CAVIN1: variants seen among roughly 807,000 people sequenced by gnomAD.
CAVIN1 encodes the protein caveolae-associated protein 1.
In CAVIN1, 16 loss-of-function variants were observed where a neutral mutation model predicts 24.0. The ratio of observed to expected loss-of-function variants is 0.67; its 90% CI spans 0.45 to 1.01. The LOEUF is 1.01. Among genes scored for constraint, CAVIN1 ranks in the 50% least tolerant of loss-of-function variants. CAVIN1 has a pLI of 0.00. For missense variants in CAVIN1, 510 were observed against 551.7 expected (o/e 0.92, Z 0.76); for synonymous variants, 256 against 256.4 (o/e 1.00, Z 0.02).
At chr17:42,405,693 T>TTGG (rs1555586066) in intron 1 of CAVIN1, among the ~76,000 whole-genome samples, 1 of 60,850 alleles carries the variant, frequency 1.6e-5, no homozygotes, top group African/African-American at 3.9e-5. Context: ...TTTTTTTTTT[T>TTGG]TTTTTTTTTT....
intron 1 of CAVIN1, among the ~76,000 whole-genome samples, chr17:42,421,691 G>A (rs115697250): frequency 4.3e-4 from 65 of 152,274 alleles, no homozygotes; most frequent in African/African-American, 1.5e-3. Flanking sequence ...GTGAAGAATG[G>A]GGAGAGCTGC....
intron 1 of CAVIN1, among the ~76,000 whole-genome samples, chr17:42,419,107 G>T (rs1401083229): frequency 6.6e-6 from 1 of 151,988 alleles, no homozygotes; most frequent in Non-Finnish European, 1.5e-5. Flanking sequence ...TGAACCAGGA[G>T]GATCACTTGA....
intron 1 of CAVIN1, among the ~76,000 whole-genome samples, chr17:42,409,497 G>A (rs12453307): frequency 0.58 from 88,685 of 151,918 alleles, 28,050 homozygotes; most frequent in Admixed American, 0.72. Flanking sequence ...CTGGAGTGAC[G>A]GCTTACACCA....
chr17:42,406,375 CT>C lies in CAVIN1; in HGVS notation c.472-988del, dbSNP rs34629601. Among the ~76,000 whole-genome samples, 376 of 140,904 alleles carry C rather than the reference CT, an allele frequency of 2.7e-3. 3 individuals carry two copies. The highest frequency in any genetic ancestry group is 3.7e-3 in the Middle Eastern group (1 of 272). 92.4% of individuals were successfully genotyped at this position (140,904 alleles called of 152,430 possible). A position where few individuals can be genotyped will look rare whatever the true frequency, so the allele number is the denominator to read the frequency against. ...TGCATTTCCTAGACTCAAGCTATTT[CT>C]TTTTTTTTTTTTTTTTGAGATGGAG... On this transcript the variant is annotated intron_variant, in intron 1 of 1. Coordinates refer to ENST00000357037, the MANE Select transcript of CAVIN1 (RefSeq NM_012232.6).
chr17:42,422,602 G>A lies in CAVIN1; in HGVS notation c.471+25C>T, dbSNP rs377696174. The A allele has an allele frequency of 1.4e-4, 216 of 1,536,916 alleles. 2 individuals are homozygous for A. In the South Asian group the frequency reaches 2.4e-3, roughly 17 times the overall value. ...ACGCGGGCCGGGCGCGGGAGCTCTG[G>A]GCGCCTTCCGCCCTGTGGGCTCACC... On this transcript the variant is annotated intron_variant, in intron 1 of 1. Transcript: ENST00000357037.
chr17:42,409,073 C>T (rs555693153), intron 1 of CAVIN1, among the ~76,000 whole-genome samples: 21 of 150,208 alleles, frequency 1.4e-4, no homozygotes, highest in African/African-American at 4.4e-4. Flanking sequence ...ATTACAGGCA[C>T]GAGCCACCGC....
At chr17:42,416,160 G>A (rs1396728525) in intron 1 of CAVIN1, among the ~76,000 whole-genome samples, 4 of 152,118 alleles carry the variant, frequency 2.6e-5, no homozygotes, top group African/African-American at 9.7e-5. Context: ...CTGAGGTCAG[G>A]AGTTCGAGAC....
At chr17:42,415,538 C>T (rs1445268293) in intron 1 of CAVIN1, among the ~76,000 whole-genome samples, 1 of 151,872 alleles carries the variant, frequency 6.6e-6, no homozygotes, top group East Asian at 1.9e-4. Context: ...GGAGAAACCC[C>T]ATCTCCACCA....
intron 1 of CAVIN1, 106 bp downstream of exon 1, chr17:42,422,521 C>T: frequency 1.3e-6 from 1 of 757,028 alleles, no homozygotes; most frequent in Non-Finnish European, 2.0e-6. Context: ...CCGGGCCAGG[C>T]TGGGAGGGGA....
rs1467698664 is a variant in CAVIN1, at chr17:42,404,301, G to A, written c.*386C>T. The A allele has an allele frequency of 5.8e-6, 1 of 173,888 alleles. No individual in the cohort carries two copies. Among genetic ancestry groups the A allele is most frequent in the Non-Finnish European group, 1.2e-5 (1 of 82,960 alleles). The allele number at this position is 173,888 out of a possible 1,614,324, so 10.8% of individuals were successfully genotyped here. A position where few individuals can be genotyped will look rare whatever the true frequency, so the allele number is the denominator to read the frequency against. ...TTGAGTCCCCCAGGGATCAGGGTGA[G>A]AATGAAGAAGAGCTCAGTGAGCGGA... On this transcript the variant is annotated 3_prime_UTR_variant, in exon 2 of 2. Transcript: ENST00000357037.
chr17:42,419,266 T>C (rs8068844), intron 1 of CAVIN1, among the ~76,000 whole-genome samples: 49,595 of 151,910 alleles, frequency 0.33, 8,362 homozygotes, highest in South Asian at 0.5. Flanking sequence ...ATGATCATAG[T>C]TCCACTCATC....
At chr17:42,406,155 A>T (rs2085445380) in intron 1 of CAVIN1, among the ~76,000 whole-genome samples, 1 of 152,116 alleles carries the variant, frequency 6.6e-6, no homozygotes, top group Non-Finnish European at 1.5e-5. Context: ...CCACCCGTAG[A>T]TGATATTAAA....
At chr17:42,411,655 T>C in intron 1 of CAVIN1, 2 of 985,426 alleles carry the variant, frequency 2.0e-6, no homozygotes, top group Non-Finnish European at 2.4e-6. Flanking sequence ...ACCCCAGGCC[T>C]GAGCCTCATG....
rs7212299 is a variant in CAVIN1 at position 42,402,938 on chromosome 17, A to G, written c.*1749T>C. The G allele has an allele frequency of 0.85, 128,567 of 152,140 alleles. 55,330 individuals carry two copies. Among genetic ancestry groups the G allele is most frequent in the East Asian group, 0.99 (5,128 of 5,186 alleles). The allele number at this position is 152,140 out of a possible 1,614,324, so 9.4% of individuals were successfully genotyped here. A position where few individuals can be genotyped will look rare whatever the true frequency, so the allele number is the denominator to read the frequency against. ...TGGTCGTGTCTTGAGAACCCAGTCC[A>G]AACAGAATCAGGCCTCTGGACTGGG... On this transcript the variant is annotated 3_prime_UTR_variant, in exon 2 of 2. Coordinates refer to ENST00000357037, the MANE Select transcript of CAVIN1 (RefSeq NM_012232.6).
At chr17:42,419,882 CGTGTGTGTGTGTGT>C (rs5820458) in intron 1 of CAVIN1, among the ~76,000 whole-genome samples, 7 of 143,752 alleles carry the variant, frequency 4.9e-5, no homozygotes, top group East Asian at 4.1e-4. Context: ...TGCTGAATTT[CGTGTGTGTGTGTGT>C]GTGTGTGTGT....
At position 42,404,933 on chromosome 17, in the gene CAVIN1, C is replaced by G. The variant is rs112332573; in HGVS notation, c.927G>C (p.Ala309=). The change falls in exon 2 of 2, where the codon GCG becomes GCC. Residue 309 remains alanine (A), a synonymous_variant. Transcript: ENST00000357037. The part of the protein sequence containing the change: ...KSFTPDHVVY[A]RSKTAVYKVP... ...CCTTGTAGACCGCGGTCTTGGAGCG[C>G]GCGTACACCACGTGGTCGGGCGTGA... 2 of 1,614,024 alleles carry G rather than the reference C, an allele frequency of 1.2e-6. No homozygotes were observed. Among genetic ancestry groups the G allele is most frequent in the Non-Finnish European group, 1.7e-6 (2 of 1,179,942 alleles).
intron 1 of CAVIN1, among the ~76,000 whole-genome samples, chr17:42,414,095 T>G (rs1013860563): frequency 7.2e-5 from 11 of 152,098 alleles, no homozygotes; most frequent in Middle Eastern, 3.2e-3. Flanking sequence ...GAGACGGAGT[T>G]TCGCCATGTT....
chr17:42,411,397 T>A (rs952248354), intron 1 of CAVIN1: 52 of 982,832 alleles, frequency 5.3e-5, no homozygotes, highest in Middle Eastern at 5.2e-4. Context: ...CTAAAAAAAA[T>A]TTTTTTAACA....
rs1180337304 is a variant in CAVIN1, at chr17:42,419,335, A to T, written c.471+3292T>A. Among the ~76,000 whole-genome samples the T allele has an allele frequency of 2.0e-5, 3 of 150,348 alleles. No individual in the cohort carries two copies. The East Asian group carries it at 5.8e-4, about 29-fold the overall frequency. On this transcript the variant is annotated intron_variant, in intron 1 of 1. Transcript: ENST00000357037. ...TATTATTATTATTATTATTTTTGAGATGGAGTCTCACTCTGTCGCCCAGGC... is the reference window on the plus strand; with the variant it reads ...TATTATTATTATTATTATTTTTGAGTTGGAGTCTCACTCTGTCGCCCAGGC...
Sources: gnomAD v4.1 joint callset for allele counts (sites outside exome capture counted in the v4.1 genomes callset) on GRCh38, gnomAD v4.1.1 for gene constraint, MANE v1.5 for transcripts, NCBI Gene and HGNC (gene_info 2026-07-23, HGNC 2026-07-21) for gene names.